The following NFIB variants were observed in gnomAD, a reference collection of about 807,000 sequenced individuals.
The protein encoded by NFIB is nuclear factor I B.
In NFIB, 11 loss-of-function variants were observed where a neutral mutation model predicts 61.5. That is an observed-to-expected ratio of 0.18 (90% CI 0.11 to 0.30). The LOEUF (loss-of-function observed/expected upper bound fraction) is 0.30, where lower values mean the gene tolerates loss of function less well. Ranked by LOEUF, NFIB falls within the 10% of genes least tolerant of loss-of-function variation. NFIB has a pLI of 1.00. For missense variants in NFIB, 471 were observed against 608.9 expected (o/e 0.77, Z 2.38); for synonymous variants, 260 against 216.5 (o/e 1.20, Z -1.76).
At chr9:14,327,474 AAC>A (rs2060769181) in intron 1 of NFIB, among the ~76,000 whole-genome samples, 1 of 152,216 alleles carries the variant, frequency 6.6e-6, no homozygotes, top group South Asian at 2.1e-4. Context: ...TCCTACTACA[AAC>A]ACACATTGCA....
rs374632288 is a variant in NFIB, at chr9:14,163,383, A to C, written c.617-7490T>G. Reference sequence around the variant, plus strand: ...GGTCAACTGAAAAATACAAAATCCAACTGTTTTCAAGAAACACACCTAACA... The same window carrying C: ...GGTCAACTGAAAAATACAAAATCCACCTGTTTTCAAGAAACACACCTAACA... On this transcript the variant is annotated intron_variant, in intron 3 of 10. Transcript: ENST00000380953. 5.9e-5 allele frequency among the ~76,000 whole-genome samples: 9 copies of C among 152,112 alleles called. No homozygotes were observed. In the East Asian group the frequency reaches 1.7e-3, roughly 29 times the overall value.
chr9:14,111,122 A>G (rs2037298397), intron 10 of NFIB, among the ~76,000 whole-genome samples: 1 of 152,136 alleles, frequency 6.6e-6, no homozygotes, highest in Admixed American at 6.6e-5. Context: ...TTGATTTTAA[A>G]ATAGTTTATA....
intron 2 of NFIB, among the ~76,000 whole-genome samples, chr9:14,292,716 A>G (rs1380616208): frequency 6.6e-6 from 1 of 152,190 alleles, no homozygotes; most frequent in African/African-American, 2.4e-5. Context: ...CAATCACTAT[A>G]TGGCGTAGAG....
intron 2 of NFIB, among the ~76,000 whole-genome samples, chr9:14,296,744 G>C (rs1385468464): frequency 6.6e-6 from 1 of 152,216 alleles, no homozygotes; most frequent in Non-Finnish European, 1.5e-5. Context: ...TTTAGTGTCT[G>C]TAAGTCACAC....
At chr9:14,419,587 G>A in the NFIB span, among the ~76,000 whole-genome samples, 6 of 152,266 alleles carry the variant, frequency 3.9e-5, no homozygotes, top group East Asian at 3.9e-4. Context: ...GTTACGTTAC[G>A]TAGCCTTGCA....
intron 6 of NFIB, among the ~76,000 whole-genome samples, chr9:14,132,639 C>G (rs1315378484): frequency 6.6e-6 from 1 of 152,002 alleles, no homozygotes; most frequent in Non-Finnish European, 1.5e-5. Flanking sequence ...ACAATCATGG[C>G]TCACTGCAGC....
chr9:14,140,845 G>A (rs1462749472), intron 6 of NFIB, among the ~76,000 whole-genome samples: 1 of 152,110 alleles, frequency 6.6e-6, no homozygotes, highest in Non-Finnish European at 1.5e-5. Context: ...GAGGTGGGAG[G>A]ATCACTTGAA....
chr9:14,319,247 T>C (rs1419148527), intron 1 of NFIB, among the ~76,000 whole-genome samples: 2 of 151,228 alleles, frequency 1.3e-5, no homozygotes, highest in Non-Finnish European at 2.9e-5. Context: ...TATTTACAAG[T>C]TATAATACAG....
the NFIB span, among the ~76,000 whole-genome samples, chr9:14,500,217 G>A: frequency 6.6e-6 from 1 of 152,182 alleles, no homozygotes; most frequent in African/African-American, 2.4e-5. Context: ...CAGCAAGTCA[G>A]TAGGGCAGCG....
chr9:14,140,772 C>T (rs2041604451), intron 6 of NFIB, among the ~76,000 whole-genome samples: 1 of 151,998 alleles, frequency 6.6e-6, no homozygotes, highest in Non-Finnish European at 1.5e-5. Context: ...CAGCTCTACA[C>T]AAAATTTAAA....
chr9:14,518,348 C>T, the NFIB span, among the ~76,000 whole-genome samples: 16 of 152,170 alleles, frequency 1.1e-4, no homozygotes, highest in Admixed American at 3.9e-4. Flanking sequence ...ACCTTGAGAA[C>T]TGAGCTTCTT....
chr9:14,241,952 T>C (rs977913137), intron 2 of NFIB, among the ~76,000 whole-genome samples: 2 of 152,190 alleles, frequency 1.3e-5, no homozygotes, highest in African/African-American at 4.8e-5. Context: ...TGGTCATTTA[T>C]AAATTATCCT....
intron 1 of NFIB, among the ~76,000 whole-genome samples, chr9:14,329,512 CTTTTTCTT>C (rs1028982222): frequency 2.6e-5 from 4 of 152,096 alleles, no homozygotes; most frequent in South Asian, 2.1e-4. Flanking sequence ...TTGTCTTTCT[CTTTTTCTT>C]TTTTTCTTTT....
At chr9:14,291,767 G>C (rs964681207) in intron 2 of NFIB, among the ~76,000 whole-genome samples, 1 of 151,026 alleles carries the variant, frequency 6.6e-6, no homozygotes, top group Non-Finnish European at 1.5e-5. Context: ...CTCATAACTA[G>C]CTCTGACCTT....
chr9:14,323,677 C>T (rs957372943), intron 1 of NFIB, among the ~76,000 whole-genome samples: 3 of 152,200 alleles, frequency 2.0e-5, no homozygotes, highest in African/African-American at 7.2e-5. Flanking sequence ...ATTCTTATCT[C>T]TCTACTAAAT....
chr9:14,322,571 C>G (rs1371977154), intron 1 of NFIB, among the ~76,000 whole-genome samples: 2 of 151,922 alleles, frequency 1.3e-5, no homozygotes, highest in Non-Finnish European at 2.9e-5. Flanking sequence ...TTCTCCGGCT[C>G]GCGGCCCGCC....
At chr9:14,221,489 A>G (rs2051669570) in intron 2 of NFIB, among the ~76,000 whole-genome samples, 1 of 152,206 alleles carries the variant, frequency 6.6e-6, no homozygotes, top group Non-Finnish European at 1.5e-5. Flanking sequence ...ACTGAGGCTC[A>G]TGAGACAAAG....
At chr9:14,419,707 T>G in the NFIB span, among the ~76,000 whole-genome samples, 1 of 152,154 alleles carries the variant, frequency 6.6e-6, no homozygotes. Context: ...TTTGCTTTCT[T>G]TTTCTGGAGG....
chr9:14,219,183 G>C (rs1012902639), intron 2 of NFIB, among the ~76,000 whole-genome samples: 2 of 151,970 alleles, frequency 1.3e-5, no homozygotes, highest in Non-Finnish European at 2.9e-5. Context: ...CTCCCTATCT[G>C]CCATGTTTAA....
Sources: allele counts gnomAD v4.1 joint callset (sites outside exome capture counted in the v4.1 genomes callset), GRCh38; gene constraint gnomAD v4.1.1; transcripts MANE v1.5; gene names NCBI Gene and HGNC (gene_info 2026-07-23, HGNC 2026-07-21).